NHSL3: variants seen among roughly 807,000 people sequenced by gnomAD.
NHSL3 encodes the protein NHS like 3.
At chr1:32,744,130 G>A in the NHSL3 span, among the ~76,000 whole-genome samples, 1 of 152,158 alleles carries the variant, frequency 6.6e-6, no homozygotes, top group African/African-American at 2.4e-5. Flanking sequence ...GGGAGAGGTG[G>A]GGAGGAGGGA....
At chr1:32,756,057 C>G in the NHSL3 span, among the ~76,000 whole-genome samples, 1 of 152,208 alleles carries the variant, frequency 6.6e-6, no homozygotes, top group Non-Finnish European at 1.5e-5. Flanking sequence ...CTTCCAGCAA[C>G]ACTTGTGAGC....
At chr1:32,764,139 G>A in the NHSL3 span, among the ~76,000 whole-genome samples, 1 of 152,260 alleles carries the variant, frequency 6.6e-6, no homozygotes, top group African/African-American at 2.4e-5. Flanking sequence ...GGGATTACAG[G>A]TGTGAACCAC....
the NHSL3 span, among the ~76,000 whole-genome samples, chr1:32,756,657 C>CAAAAAAAA: frequency 2.0e-5 from 1 of 49,958 alleles, no homozygotes; most frequent in Admixed American, 2.9e-4. Flanking sequence ...ACCCTGTCTC[C>CAAAAAAAA]AAAAAAAAAA....
At chr1:32,773,912 A>C in the NHSL3 span, 1 of 152,762 alleles carries the variant, frequency 6.5e-6, no homozygotes. Flanking sequence ...CTTTCAGCAC[A>C]GGTGGTTCCA....
the NHSL3 span, chr1:32,772,135 C>A: frequency 1.2e-6 from 2 of 1,613,270 alleles, no homozygotes; most frequent in Non-Finnish European, 1.7e-6. Context: ...GCTGGAGCGG[C>A]CCGTGTCCCC....
At chr1:32,773,262 A>T in the NHSL3 span, 13 of 276,356 alleles carry the variant, frequency 4.7e-5, no homozygotes, top group Non-Finnish European at 7.7e-5. Context: ...CCATGCACAT[A>T]CTATAGTCCA....
At chr1:32,754,254 C>T in the NHSL3 span, 4 of 670,164 alleles carry the variant, frequency 6.0e-6, no homozygotes, top group East Asian at 3.0e-5. Flanking sequence ...GCTGCTGCCC[C>T]CTCCCGGGGC....
chr1:32,760,082 G>A, the NHSL3 span, among the ~76,000 whole-genome samples: 2 of 152,132 alleles, frequency 1.3e-5, no homozygotes, highest in African/African-American at 4.8e-5. Flanking sequence ...GGGGGCCTTC[G>A]TTTGTCCACC....
the NHSL3 span, among the ~76,000 whole-genome samples, chr1:32,748,892 G>T: frequency 6.6e-6 from 1 of 152,114 alleles, no homozygotes; most frequent in Non-Finnish European, 1.5e-5. Flanking sequence ...GTCTCCCCCA[G>T]ACCCCTGTGA....
chr1:32,742,902 C>T, the NHSL3 span, among the ~76,000 whole-genome samples: 1 of 152,242 alleles, frequency 6.6e-6, no homozygotes. Flanking sequence ...GAGGCCCAAG[C>T]TCAGTGGAGA....
the NHSL3 span, chr1:32,770,378 C>CCAGCCCA: frequency 6.2e-7 from 1 of 1,608,860 alleles, no homozygotes; most frequent in South Asian, 1.1e-5. The surrounding 1 kb of genome is among the most constrained non-coding windows in gnomAD (Gnocchi z 8.3). Context: ...TCCTCCGTCT[C>CCAGCCCA]CAGCCCACAG....
the NHSL3 span, among the ~76,000 whole-genome samples, chr1:32,755,954 A>C: frequency 6.6e-6 from 1 of 152,272 alleles, no homozygotes; most frequent in Non-Finnish European, 1.5e-5. Flanking sequence ...CTGTGGGCCC[A>C]GACTTGTGAC....
chr1:32,771,216 C>T, the NHSL3 span: 5 of 1,612,818 alleles, frequency 3.1e-6, no homozygotes, highest in East Asian at 6.7e-5. Flanking sequence ...AGCCCAGGAG[C>T]CCTAACCCAG....
At chr1:32,741,975 C>T in the NHSL3 span, 4 of 1,151,718 alleles carry the variant, frequency 3.5e-6, no homozygotes, top group African/African-American at 3.3e-5. This position sits in a 1 kb window ranked among gnomAD's most constrained non-coding sequence, Gnocchi z 4.3. Context: ...GCGCGCCCCC[C>T]GCCGCACCTG....
the NHSL3 span, among the ~76,000 whole-genome samples, chr1:32,766,912 C>A: frequency 3.3e-5 from 5 of 152,106 alleles, no homozygotes; most frequent in Admixed American, 3.3e-4. Context: ...AGGGCCAGGG[C>A]CAGGGCCTCC....
At chr1:32,770,011 C>T in the NHSL3 span, 2 of 1,601,110 alleles carry the variant, frequency 1.2e-6, no homozygotes, top group Non-Finnish European at 1.7e-6. This position sits in a 1 kb window ranked among gnomAD's most constrained non-coding sequence, Gnocchi z 8.3. Context: ...CCTGCAGGCG[C>T]TGGAGGCGGA....
chr1:32,770,024 C>T, the NHSL3 span: 9 of 1,592,450 alleles, frequency 5.7e-6, no homozygotes, highest in Admixed American at 3.5e-5. This position sits in a 1 kb window ranked among gnomAD's most constrained non-coding sequence, Gnocchi z 8.3. Flanking sequence ...GAGGCGGAGG[C>T]GGAGGCTGGC....
At chr1:32,765,301 G>GAGCTCTTTCCCCAGGGAATTA in the NHSL3 span, among the ~76,000 whole-genome samples, 1 of 120,694 alleles carries the variant, frequency 8.3e-6, no homozygotes, top group South Asian at 3.2e-4. Flanking sequence ...TGCAGGCTCC[G>GAGCTCTTTCCCCAGGGAATTA]AGCTCTTTCC....
chr1:32,769,829 G>A, the NHSL3 span: 1 of 1,610,648 alleles, frequency 6.2e-7, no homozygotes. Context: ...TGGGTGGGGA[G>A]CCTTGGTCAT....
Sources: gnomAD v4.1 joint callset for allele counts (sites outside exome capture counted in the v4.1 genomes callset) on GRCh38, gnomAD v4.1.1 for gene constraint, Gnocchi (gnomAD v3.1) non-coding constraint, MANE v1.5 for transcripts, NCBI Gene and HGNC (gene_info 2026-07-23, HGNC 2026-07-21) for gene names.